Variants in TENT5D observed in about 807,000 individuals in gnomAD.
TENT5D encodes terminal nucleotidyltransferase 5D, also known as cancer/testis antigen 112.
For missense variants in TENT5D, 191 were observed against 287.0 expected, an observed-to-expected ratio of 0.67 and a Z score of 2.42; for synonymous variants, 103 against 100.6, an observed-to-expected ratio of 1.02 and a Z score of -0.15.
intron 3 of TENT5D, among the ~76,000 whole-genome samples, chrX:80,399,472 C>G (rs1273469676): frequency 2.7e-5 from 3 of 111,720 alleles, no homozygotes; most frequent in African/African-American, 9.8e-5. Context: ...GTCGATGTGT[C>G]TGTGGCTAGT....
At chrX:80,416,409 A>G (rs1602216733), upstream of TENT5D, among the ~76,000 whole-genome samples, 2 of 102,622 alleles carry the variant, frequency 1.9e-5, no homozygotes, top group Admixed American at 2.1e-4. Context: ...TTATCTTCCT[A>G]ACGTTTTGAT....
intron 3 of TENT5D, among the ~76,000 whole-genome samples, chrX:80,368,993 T>C (rs896944359): frequency 3.6e-5 from 4 of 111,894 alleles, no homozygotes; most frequent in Admixed American, 9.6e-5. Flanking sequence ...TCAATAAGTA[T>C]TTCTTCAGCT....
chrX:80,382,916 A>G (rs920184590), intron 3 of TENT5D, among the ~76,000 whole-genome samples: 1 of 112,243 alleles, frequency 8.9e-6, no homozygotes, highest in African/African-American at 3.2e-5. Flanking sequence ...TCCCTTGGCC[A>G]GGAAAGGGAA....
rs1483189248 is a variant in TENT5D, at chrX:80,396,490, G to A, written c.-141-42120G>A. On this transcript the variant is annotated intron_variant, in intron 3 of 4. Transcript: ENST00000538312. ...GGTGATGACTCTTAACGAGCATGCTGCCTTCAAGCATCTGTTTAACAAAGC... is the reference window on the plus strand; with the variant it reads ...GGTGATGACTCTTAACGAGCATGCTACCTTCAAGCATCTGTTTAACAAAGC... Among the ~76,000 whole-genome samples the A allele has an allele frequency of 3.6e-5, 4 of 109,988 alleles. No homozygotes were observed. The Admixed American group carries it at 3.9e-4, about 11-fold the overall frequency.
chrX:80,342,769 TAATA>T (rs942895389), intron 3 of TENT5D, among the ~76,000 whole-genome samples: 1 of 111,955 alleles, frequency 8.9e-6, no homozygotes, highest in African/African-American at 3.2e-5. Flanking sequence ...ACAATTATGT[TAATA>T]AATAATGTAT....
intron 3 of TENT5D, among the ~76,000 whole-genome samples, chrX:80,374,650 T>C (rs1930691760): frequency 9.0e-6 from 1 of 111,427 alleles, no homozygotes; most frequent in Admixed American, 9.6e-5. Flanking sequence ...CATTTGTCAA[T>C]TTTTGCTTTT....
intron 3 of TENT5D, among the ~76,000 whole-genome samples, chrX:80,350,733 C>T (rs772681777): frequency 1.8e-5 from 2 of 111,650 alleles, no homozygotes; most frequent in African/African-American, 6.5e-5. Flanking sequence ...GATGCAGTTT[C>T]TTCATAGTGT....
intron 3 of TENT5D, among the ~76,000 whole-genome samples, chrX:80,371,500 C>T (rs1930624011): frequency 9.0e-6 from 1 of 111,502 alleles, no homozygotes; most frequent in African/African-American, 3.3e-5. Context: ...ATTAGATCTT[C>T]TTCCAATAGA....
intron 3 of TENT5D, among the ~76,000 whole-genome samples, chrX:80,350,904 T>G (rs1430531261): frequency 8.9e-6 from 1 of 111,923 alleles, no homozygotes; most frequent in Non-Finnish European, 1.9e-5. Flanking sequence ...CCTTCAGTTA[T>G]GAAACTTAGT....
chrX:80,355,186 T>C (rs1440728717), intron 3 of TENT5D, among the ~76,000 whole-genome samples: 4 of 111,950 alleles, frequency 3.6e-5, no homozygotes. Flanking sequence ...GAGTGAGCTC[T>C]AGTGGGGTTC....
chrX:80,422,429 C>T (rs1305657185), intron 1 of TENT5D, among the ~76,000 whole-genome samples: 4 of 111,802 alleles, frequency 3.6e-5, no homozygotes, highest in East Asian at 2.8e-4. Context: ...GCTGAGATCG[C>T]GCCACTACAC....
chrX:80,397,039 A>C (rs1461011012), intron 3 of TENT5D, among the ~76,000 whole-genome samples: 3 of 63,148 alleles, frequency 4.8e-5, no homozygotes, highest in African/African-American at 6.9e-5. Flanking sequence ...GCTGACCCCC[A>C]CCTCCCTCCC....
chrX:80,350,105 GAGA>G (rs1269439047), intron 3 of TENT5D, among the ~76,000 whole-genome samples: 1 of 111,748 alleles, frequency 8.9e-6, no homozygotes, highest in Non-Finnish European at 1.9e-5. Flanking sequence ...ATGTGCTTCT[GAGA>G]AGAATGTATA....
At chrX:80,402,183 G>T (rs1931401067) in intron 3 of TENT5D, among the ~76,000 whole-genome samples, 1 of 111,024 alleles carries the variant, frequency 9.0e-6, no homozygotes, top group Admixed American at 9.6e-5. Flanking sequence ...CTAATTTTTG[G>T]CATATAATTG....
chrX:80,369,144 A>G (rs773883659), intron 3 of TENT5D, among the ~76,000 whole-genome samples: 4 of 111,658 alleles, frequency 3.6e-5, no homozygotes, highest in Non-Finnish European at 7.5e-5. Flanking sequence ...AAGTGACTTG[A>G]GGGCTTAGAT....
At chrX:80,443,792 G>A (rs1932336218) in exon 3 of TENT5D, 2 of 882,465 alleles carry the variant, frequency 2.3e-6, no homozygotes, top group East Asian at 3.4e-5. Flanking sequence ...TTCAAGATCT[G>A]TTTTTATTTT....
At chrX:80,432,711 A>G (rs766581951) in intron 1 of TENT5D, among the ~76,000 whole-genome samples, 191 of 111,313 alleles carry the variant, frequency 1.7e-3, no homozygotes, top group Non-Finnish European at 2.9e-3. Context: ...TCTTTGTCTC[A>G]TGTCCAGGAG....
At chrX:80,388,017 C>CA (rs937707624) in intron 3 of TENT5D, among the ~76,000 whole-genome samples, 10 of 111,473 alleles carry the variant, frequency 9.0e-5, no homozygotes, top group African/African-American at 2.9e-4. Flanking sequence ...ACCACTTCCC[C>CA]AGGCCCACAG....
intron 1 of TENT5D, among the ~76,000 whole-genome samples, chrX:80,437,446 C>T (rs887999983): frequency 3.0e-4 from 34 of 111,526 alleles, no homozygotes; most frequent in Non-Finnish European, 5.1e-4. Context: ...AAGACACTTC[C>T]GTGAGATGAT....
Sources: gnomAD v4.1 joint callset for allele counts (sites outside exome capture counted in the v4.1 genomes callset) on GRCh38, gnomAD v4.1.1 for gene constraint, MANE v1.5 for transcripts, NCBI Gene and HGNC (gene_info 2026-07-23, HGNC 2026-07-21) for gene names.